Variants in EXOC6 observed in about 807,000 individuals in gnomAD.
EXOC6 encodes the protein exocyst complex component 6.
Under a neutral mutation model 112.5 loss-of-function variants are expected in EXOC6, and 60 were observed. The observed-to-expected ratio is 0.53, with a 90% CI of 0.43 to 0.66. EXOC6 has a LOEUF of 0.66. Among genes scored for constraint, EXOC6 ranks in the 30% least tolerant of loss-of-function variants. The pLI is 0.00. For missense variants in EXOC6, 855 were observed against 957.1 expected (o/e 0.89, Z 1.41); for synonymous variants, 295 against 308.0 (o/e 0.96, Z 0.44).
In EXOC6 at chr10:92,899,640, A is replaced by T. The variant is rs769874777; in HGVS notation, c.454A>T (p.Lys152Ter). The T allele has an allele frequency of 6.2e-7, 1 of 1,607,624 alleles. No homozygotes were observed. Among genetic ancestry groups the T allele is most frequent in the Non-Finnish European group, 8.5e-7 (1 of 1,176,358 alleles). The part of the protein sequence containing the change: ...YSKLKEQMSA[K>*]RYYSALKTME... ...TAAGCTGAAAGAACAGATGAGTGCC[A>T]AAAGGTGAGTTGGTTTTTTTCCTAT... The change falls in exon 5 of 22, where the codon AAA becomes TAA. Residue 152 changes from lysine to a stop codon, truncating the protein, a stop_gained. Transcript: ENST00000260762. LOFTEE classifies it high-confidence loss of function.
At chr10:92,832,915 G>A (rs1182760196), upstream of EXOC6, among the ~76,000 whole-genome samples, 4 of 151,876 alleles carry the variant, frequency 2.6e-5, no homozygotes, top group African/African-American at 7.3e-5. Flanking sequence ...CACCCGCCTC[G>A]GATTCCCAAA....
intron 17 of EXOC6, among the ~76,000 whole-genome samples, chr10:92,965,895 A>G (rs1000703458): frequency 6.6e-6 from 1 of 152,176 alleles, no homozygotes; most frequent in Non-Finnish European, 1.5e-5. Context: ...TGTTGACTTT[A>G]ATCATATTCC....
intron 18 of EXOC6, among the ~76,000 whole-genome samples, chr10:92,996,836 A>G (rs1352674115): frequency 6.6e-6 from 1 of 152,204 alleles, no homozygotes; most frequent in Non-Finnish European, 1.5e-5. Context: ...AACCTACCAG[A>G]TGATTTAAAA....
At chr10:92,832,793 G>A (rs184382312), upstream of EXOC6, among the ~76,000 whole-genome samples, 370 of 151,236 alleles carry the variant, frequency 2.4e-3, 2 homozygotes, top group Admixed American at 4.6e-3. Context: ...TTCCCAAGTA[G>A]CTGGGACTAC....
chr10:93,017,809 A>G (rs1352318901), intron 20 of EXOC6, among the ~76,000 whole-genome samples: 3 of 152,104 alleles, frequency 2.0e-5, no homozygotes, highest in Non-Finnish European at 4.4e-5. Flanking sequence ...CAGAAGGTCG[A>G]GACCGTCCTG....
chr10:92,879,141 C>A (rs1848825488), intron 1 of EXOC6, among the ~76,000 whole-genome samples: 1 of 152,130 alleles, frequency 6.6e-6, no homozygotes, highest in Admixed American at 6.6e-5. Context: ...TTAATGTTTT[C>A]CCCCTATAAA....
At chr10:92,867,809 T>C (rs1299100462) in intron 1 of EXOC6, among the ~76,000 whole-genome samples, 1 of 152,178 alleles carries the variant, frequency 6.6e-6, no homozygotes, top group East Asian at 1.9e-4. Context: ...CACAGGGCAG[T>C]AATCAATTGT....
intron 1 of EXOC6, among the ~76,000 whole-genome samples, chr10:92,857,665 C>T (rs934758594): frequency 3.3e-5 from 5 of 152,138 alleles, no homozygotes; most frequent in Admixed American, 2.6e-4. Flanking sequence ...TGCATGCCAC[C>T]AATACAATTA....
Position 92,940,085 on chromosome 10 carries a change from GA to G in EXOC6, c.1213-641del, listed in dbSNP as rs1852571448. ...GCCTGTGGAAGTTAAAGACATAATA[GA>G]GTAAGAAGTTAACCCATGGAATGGT... On this transcript the variant is annotated intron_variant, in intron 12 of 21. Transcript: ENST00000260762. 9.9e-5 allele frequency among the ~76,000 whole-genome samples: 15 copies of G among 152,184 alleles called. 1 individual carries two copies. The South Asian group carries it at 3.1e-3, about 32-fold the overall frequency.
At chr10:92,835,020 T>G (rs1846620638) in intron 1 of EXOC6, among the ~76,000 whole-genome samples, 1 of 152,240 alleles carries the variant, frequency 6.6e-6, no homozygotes. Flanking sequence ...TTTGCATGTT[T>G]CCTAACTCAT....
chr10:93,024,693 C>G (rs1844944572), intron 20 of EXOC6, among the ~76,000 whole-genome samples: 1 of 152,158 alleles, frequency 6.6e-6, no homozygotes, highest in Admixed American at 6.5e-5. Context: ...CCTGGGATTA[C>G]AGGTGTAAGC....
At chr10:93,001,956 G>T (rs1345293510) in intron 19 of EXOC6, among the ~76,000 whole-genome samples, 1 of 152,172 alleles carries the variant, frequency 6.6e-6, no homozygotes, top group Non-Finnish European at 1.5e-5. Flanking sequence ...TGATGCCCCA[G>T]ATTAAATATA....
chr10:92,884,572 A>G (rs1040992261), intron 1 of EXOC6, among the ~76,000 whole-genome samples: 3 of 152,228 alleles, frequency 2.0e-5, no homozygotes, highest in African/African-American at 7.2e-5. Flanking sequence ...TTTTGTCTAG[A>G]AAAGAAACAA....
chr10:93,024,804 G>A (rs1042980457), intron 20 of EXOC6, among the ~76,000 whole-genome samples: 1 of 152,148 alleles, frequency 6.6e-6, no homozygotes, highest in South Asian at 2.1e-4. Context: ...TTATTTTAGG[G>A]TTTATTACAT....
At chr10:92,966,533 C>T (rs1245014657) in intron 17 of EXOC6, among the ~76,000 whole-genome samples, 3 of 148,072 alleles carry the variant, frequency 2.0e-5, no homozygotes, top group South Asian at 2.1e-4. Context: ...TGAGAATATG[C>T]AGTGTTTGGT....
chr10:92,920,071 T>C, intron 8 of EXOC6, 21 bp downstream of exon 8: 1 of 1,451,912 alleles, frequency 6.9e-7, no homozygotes, highest in Non-Finnish European at 9.5e-7. Context: ...TTTATATTTA[T>C]GTATATATAG....
intron 19 of EXOC6, among the ~76,000 whole-genome samples, chr10:93,013,479 G>A (rs1186125361): frequency 3.3e-5 from 5 of 151,910 alleles, no homozygotes; most frequent in Non-Finnish European, 7.4e-5. Flanking sequence ...GTGGCGGCAT[G>A]CGCCTGTAGT....
rs1386374683 is a variant in EXOC6, at chr10:92,893,340, T to C, written c.102-9T>C. The stretch of plus-strand genomic sequence containing the variant: ...TTTGGTTAATTTTAGCTTTCTTATA[T>C]ACATTCAGGTCTGTGTATGATGACC... On this transcript the variant is annotated splice_polypyrimidine_tract_variant and intron_variant, in intron 1 of 21. Coordinates refer to ENST00000260762, the MANE Select transcript of EXOC6 (RefSeq NM_019053.6). The C allele has an allele frequency of 6.4e-7, 1 of 1,573,080 alleles. No homozygotes were observed. The highest frequency in any genetic ancestry group is 2.3e-5 in the East Asian group (1 of 44,428).
At chr10:92,972,400 A>T (rs1366066519) in intron 17 of EXOC6, among the ~76,000 whole-genome samples, 1 of 152,124 alleles carries the variant, frequency 6.6e-6, no homozygotes, top group African/African-American at 2.4e-5. Flanking sequence ...TGAGAGAGAG[A>T]GAGTGAGTGA....
Sources: allele counts gnomAD v4.1 joint callset (sites outside exome capture counted in the v4.1 genomes callset), GRCh38; gene constraint gnomAD v4.1.1; transcripts MANE v1.5; gene names NCBI Gene and HGNC (gene_info 2026-07-23, HGNC 2026-07-21).